The following CCDC57 variants were observed in gnomAD, a reference collection of about 807,000 sequenced individuals.
CCDC57 encodes coiled-coil domain-containing protein 57.
CCDC57 carries 118 observed loss-of-function variants against 118.9 expected under a neutral mutation model. The ratio of observed to expected loss-of-function variants is 0.99; its 90% CI spans 0.86 to 1.16. The LOEUF (loss-of-function observed/expected upper bound fraction) is 1.16. CCDC57 is among the 50% of genes most tolerant of loss of function. CCDC57 has a pLI of 0.00. For synonymous variants in CCDC57, 527 were observed against 532.9 expected (o/e 0.99, Z 0.15); for missense variants, 1,300 against 1,320.7 (o/e 0.98, Z 0.24).
At chr17:82,103,295 G>GC (rs1405308276) in intron 19 of CCDC57, among the ~76,000 whole-genome samples, 45 of 104,460 alleles carry the variant, frequency 4.3e-4, no homozygotes, top group African/African-American at 1.5e-3. Flanking sequence ...CAGCCCCGTT[G>GC]GGGTCACACA....
intron 19 of CCDC57, chr17:82,127,419 C>T (rs74001545): frequency 0.58 from 564,241 of 980,148 alleles, 165,084 homozygotes; most frequent in Non-Finnish European, 0.59. Flanking sequence ...CCCGGGTGTA[C>T]GGTGCTGCAT....
rs113746087 is a variant in CCDC57, at chr17:82,110,977, GA to G, written c.2900-9112del. ...GAGGTGGAGGTTGCGGTGAGCCAAA[GA>G]AAAAAAAAAAGAAAAGAAAAAAGAG... is the stretch of plus-strand genomic sequence containing the variant. On this transcript the variant is annotated intron_variant, in intron 19 of 19. Transcript: ENST00000665763. 9.2e-3 allele frequency among the ~76,000 whole-genome samples: 1,145 copies of G among 124,016 alleles called. 14 individuals are homozygous for G. The highest frequency in any genetic ancestry group is 0.032 in the African/African-American group (1,087 of 33,912). The allele number at this position is 124,016 out of a possible 152,430, so 81.4% of individuals were successfully genotyped here.
At chr17:82,138,684 G>GCCCCGGGTCGGAAGAGACGCGTGGCCTA (rs2039613190) in intron 16 of CCDC57, among the ~76,000 whole-genome samples, 1 of 151,864 alleles carries the variant, frequency 6.6e-6, no homozygotes, top group African/African-American at 2.4e-5. Flanking sequence ...CGCGTGGCCT[G>GCCCCGGGTCGGAAGAGACGCGTGGCCTA]CCCCGGGTCG....
chr17:82,172,959 G>C lies in CCDC57; in HGVS notation c.1507-99C>G. ...GCTCTCCCCGCGCCCCTCTCGGGCC[G>C]GTCCCCCGCTTCAGCTTGGGCTGTG... On this transcript the variant is annotated intron_variant, in intron 11 of 19. Coordinates refer to ENST00000665763, the Ensembl canonical transcript of CCDC57. This position sits in a 1 kb window ranked among gnomAD's most constrained non-coding sequence, Gnocchi z 5.2. The C allele has an allele frequency of 7.5e-6, 8 of 1,063,224 alleles. 1 individual carries two copies. In the South Asian group the frequency reaches 1.1e-4, roughly 14 times the overall value. The allele number at this position is 1,063,224 out of a possible 1,614,324, so 65.9% of individuals were successfully genotyped here.
chr17:82,139,000 G>T (rs2039669123), intron 16 of CCDC57, among the ~76,000 whole-genome samples: 1 of 152,166 alleles, frequency 6.6e-6, no homozygotes. Flanking sequence ...GTGTTACTAG[G>T]CAGACGGCCA....
chr17:82,172,698 C>T lies in CCDC57; in HGVS notation c.1669G>A (p.Ala557Thr). The T allele has an allele frequency of 6.4e-7, 1 of 1,566,714 alleles. No individual in the cohort carries two copies. The highest frequency in any genetic ancestry group is 1.9e-5 in the Admixed American group (1 of 52,188). ...GGCTGGTTTGCATCTGTGCTCTCTG[C>T]CGCTGTCTGGATGGGAGGAGGAATC... Residue 557 changes from alanine (A) to threonine (T), a missense_variant, in exon 12 of 20, where the codon GCA (alanine) becomes ACA (threonine). Transcript: ENST00000665763. The surrounding 1 kb of genome is among the most constrained non-coding windows in gnomAD (Gnocchi z 5.2).
chr17:82,198,474 G>T (rs1599412109), intron 3 of CCDC57, 52 bp from the exon 3 acceptor site: 1 of 1,262,802 alleles, frequency 7.9e-7, no homozygotes, highest in South Asian at 1.3e-5. Flanking sequence ...TTCAGCAAAG[G>T]TAATACATTT....
At chr17:82,180,306 G>A (rs1035979408) in intron 9 of CCDC57, among the ~76,000 whole-genome samples, 4 of 152,196 alleles carry the variant, frequency 2.6e-5, no homozygotes, top group Non-Finnish European at 5.9e-5. Context: ...TCCAAGGAGA[G>A]GCAGGCCTGG....
rs1030053554 is a variant in CCDC57, at chr17:82,212,695, G to A, written c.-211+90C>T. ...ACCAAAGCGCTGCGTCCGACAGGACGGCAGCTGCTGGGGTTTTCTACAGGA... is the reference window on the plus strand; with the variant it reads ...ACCAAAGCGCTGCGTCCGACAGGACAGCAGCTGCTGGGGTTTTCTACAGGA... On this transcript the variant is annotated intron_variant, in intron 1 of 19. Transcript: ENST00000665763. The surrounding 1 kb of genome is among the most constrained non-coding windows in gnomAD (Gnocchi z 4.1). 6.6e-5 allele frequency: 10 copies of A among 151,964 alleles called. No homozygotes were observed. The highest frequency in any genetic ancestry group is 1.9e-4 in the African/African-American group (8 of 41,330). 9.4% of individuals were successfully genotyped at this position (151,964 alleles called of 1,614,324 possible).
At chr17:82,171,564 G>A in intron 13 of CCDC57, 137 bp downstream of exon 12, 1 of 842,864 alleles carries the variant, frequency 1.2e-6, no homozygotes, top group Non-Finnish European at 1.8e-6. Context: ...GGAGCACAAG[G>A]GGCTGCTGGG....
intron 13 of CCDC57, among the ~76,000 whole-genome samples, chr17:82,167,951 T>C (rs984582229): frequency 6.6e-6 from 1 of 152,218 alleles, no homozygotes; most frequent in Non-Finnish European, 1.5e-5. Flanking sequence ...TGTGAAAGAA[T>C]GTCTATCATA....
At chr17:82,197,019 C>T (rs375697957) in intron 4 of CCDC57, among the ~76,000 whole-genome samples, 3 of 144,108 alleles carry the variant, frequency 2.1e-5, no homozygotes, top group East Asian at 2.1e-4. Context: ...CTCCTGCAGA[C>T]GCAGCCCCTC....
At chr17:82,194,913 C>T (rs1186178229) in intron 5 of CCDC57, among the ~76,000 whole-genome samples, 1 of 152,254 alleles carries the variant, frequency 6.6e-6, no homozygotes, top group Non-Finnish European at 1.5e-5. Flanking sequence ...GACATGAGGA[C>T]CGGGCTGCGC....
At chr17:82,117,187 C>CA (rs906216880) in intron 19 of CCDC57, among the ~76,000 whole-genome samples, 15 of 146,954 alleles carry the variant, frequency 1.0e-4, no homozygotes, top group African/African-American at 3.3e-4. Context: ...CCCATCTCTA[C>CA]AAAAAAAATA....
At chr17:82,110,680 A>C (rs1264697434) in intron 19 of CCDC57, among the ~76,000 whole-genome samples, 1 of 152,258 alleles carries the variant, frequency 6.6e-6, no homozygotes, top group Non-Finnish European at 1.5e-5. Context: ...TCTGCTTCAA[A>C]ATTGTAAAAC....
chr17:82,180,914 C>T (rs1393456865), intron 9 of CCDC57, among the ~76,000 whole-genome samples: 1 of 152,226 alleles, frequency 6.6e-6, no homozygotes, highest in South Asian at 2.1e-4. Flanking sequence ...TTTCACAGAG[C>T]GAACGATGAA....
At chr17:82,117,743 CAACA>C (rs146575771) in intron 19 of CCDC57, among the ~76,000 whole-genome samples, 32 of 151,244 alleles carry the variant, frequency 2.1e-4, no homozygotes, top group Middle Eastern at 6.8e-3. Flanking sequence ...TCAGATTGGC[CAACA>C]AACAAACAAA....
chr17:82,142,437 C>T (rs974369377), intron 16 of CCDC57, among the ~76,000 whole-genome samples: 10 of 152,106 alleles, frequency 6.6e-5, no homozygotes, highest in Non-Finnish European at 1.2e-4. Flanking sequence ...CTCAGCCTCC[C>T]GAGTAGCTGG....
intron 13 of CCDC57, 75 bp downstream of exon 12, chr17:82,171,626 A>G (rs1387039171): frequency 1.3e-6 from 2 of 1,498,998 alleles, no homozygotes; most frequent in Non-Finnish European, 1.8e-6. Flanking sequence ...TATATTTGCT[A>G]TGAGCGGACT....
Sources: allele counts gnomAD v4.1 joint callset (sites outside exome capture counted in the v4.1 genomes callset), GRCh38; gene constraint gnomAD v4.1.1; non-coding constraint Gnocchi (gnomAD v3.1); transcripts MANE v1.5; gene names NCBI Gene and HGNC (gene_info 2026-07-23, HGNC 2026-07-21).